BRINP3: variants seen among roughly 807,000 people sequenced by gnomAD.
BRINP3 encodes the protein BMP/retinoic acid-inducible neural-specific protein 3.
Under a neutral mutation model 71.0 loss-of-function variants are expected in BRINP3, and 19 were observed. That is an observed-to-expected ratio of 0.27 (90% CI 0.19 to 0.39). The LOEUF is 0.39. Ranked by LOEUF, BRINP3 falls within the 10% of genes least tolerant of loss-of-function variation. The probability of loss-of-function intolerance (pLI) is 1.00; values close to 1 mark genes in which losing one functional copy is unlikely to be tolerated. For synonymous variants in BRINP3, 380 were observed against 337.7 expected (o/e 1.13, Z -1.37); for missense variants, 959 against 940.8 (o/e 1.02, Z -0.25).
intron 6 of BRINP3, among the ~76,000 whole-genome samples, chr1:190,171,714 C>T (rs994690714): frequency 1.3e-5 from 2 of 152,034 alleles, no homozygotes; most frequent in African/African-American, 4.8e-5. Flanking sequence ...ATATATTATA[C>T]ACTAGCCACA....
chr1:190,466,954 A>G (rs193215807), intron 1 of BRINP3, among the ~76,000 whole-genome samples: 2 of 149,760 alleles, frequency 1.3e-5, no homozygotes, highest in African/African-American at 4.9e-5. Flanking sequence ...TTTTGGAGAT[A>G]AAAAAACACA....
intron 2 of BRINP3, among the ~76,000 whole-genome samples, chr1:190,282,079 G>A (rs1663083687): frequency 6.6e-6 from 1 of 151,584 alleles, no homozygotes; most frequent in Admixed American, 6.6e-5. Context: ...AACAACTTAA[G>A]GGCAATTTTT....
At chr1:190,120,675 T>G (rs1302280961) in intron 7 of BRINP3, among the ~76,000 whole-genome samples, 1 of 151,500 alleles carries the variant, frequency 6.6e-6, no homozygotes, top group African/African-American at 2.4e-5. Flanking sequence ...TTTTTTTTTT[T>G]TGTATTTTTA....
intron 6 of BRINP3, among the ~76,000 whole-genome samples, chr1:190,194,163 A>T (rs746119829): frequency 2.6e-5 from 4 of 152,116 alleles, no homozygotes; most frequent in African/African-American, 4.8e-5. Context: ...TCCATGGAGA[A>T]GTACATGCAG....
intron 2 of BRINP3, among the ~76,000 whole-genome samples, chr1:190,426,717 C>A (rs2047704): frequency 0.17 from 25,611 of 151,542 alleles, 2,225 homozygotes; most frequent in South Asian, 0.21. Flanking sequence ...ATTTTGTTTC[C>A]TCATAGTTTT....
At chr1:190,440,053 T>C (rs1368647504) in intron 2 of BRINP3, among the ~76,000 whole-genome samples, 1 of 151,948 alleles carries the variant, frequency 6.6e-6, no homozygotes, top group African/African-American at 2.4e-5. Flanking sequence ...AAAGGTACAA[T>C]GTAGTATAAA....
At position 190,226,287 on chromosome 1, in the gene BRINP3, C is replaced by T. The variant is rs1362159585; in HGVS notation, c.756G>A (p.Gln252=). 1 of 1,606,058 alleles carries T rather than the reference C, an allele frequency of 6.2e-7. No homozygotes were observed. The highest frequency in any genetic ancestry group is 8.5e-7 in the Non-Finnish European group (1 of 1,175,936). ...TCAAAGCTGCTTGTACAAAACGTTCCTGAAGATAGTCTGGGAGAAGTACTT... is the reference window on the plus strand; with the variant it reads ...TCAAAGCTGCTTGTACAAAACGTTCTTGAAGATAGTCTGGGAGAAGTACTT... ...GLQVLLPDYL[Q]ERFVQAALSY... The change falls in exon 6 of 8, where the codon CAG becomes CAA. Residue 252 remains glutamine, a synonymous_variant. Transcript: ENST00000367462.
intron 2 of BRINP3, among the ~76,000 whole-genome samples, chr1:190,345,031 T>C (rs915820695): frequency 6.6e-6 from 1 of 151,920 alleles, no homozygotes; most frequent in Non-Finnish European, 1.5e-5. Flanking sequence ...TAATAAATTT[T>C]AAAGTCATGG....
intron 6 of BRINP3, among the ~76,000 whole-genome samples, chr1:190,167,747 G>A (rs1651681694): frequency 6.6e-6 from 1 of 152,114 alleles, no homozygotes; most frequent in East Asian, 1.9e-4. Flanking sequence ...ATAATCTAAA[G>A]CATAAACTTT....
intron 2 of BRINP3, among the ~76,000 whole-genome samples, chr1:190,374,747 A>G (rs1670081959): frequency 6.6e-6 from 1 of 151,982 alleles, no homozygotes; most frequent in Admixed American, 6.6e-5. Context: ...AAAATGAAAA[A>G]CATTCATTTG....
intron 6 of BRINP3, among the ~76,000 whole-genome samples, chr1:190,192,185 G>C (rs1654092230): frequency 6.6e-6 from 1 of 152,064 alleles, no homozygotes; most frequent in Non-Finnish European, 1.5e-5. Context: ...TAGCAAATAA[G>C]CAGTTTATCT....
At chr1:190,452,470 C>T (rs1675677958) in intron 2 of BRINP3, among the ~76,000 whole-genome samples, 1 of 152,142 alleles carries the variant, frequency 6.6e-6, no homozygotes, top group African/African-American at 2.4e-5. Context: ...AGAATATATG[C>T]GCCTTGCAAA....
At chr1:190,436,754 G>A (rs985117595) in intron 2 of BRINP3, among the ~76,000 whole-genome samples, 1 of 151,744 alleles carries the variant, frequency 6.6e-6, no homozygotes, top group African/African-American at 2.4e-5. Flanking sequence ...TGACTCAATT[G>A]ACCATAGCTG....
chr1:190,394,902 T>C (rs184510654), intron 2 of BRINP3, among the ~76,000 whole-genome samples: 110 of 151,824 alleles, frequency 7.2e-4, no homozygotes, highest in Non-Finnish European at 1.2e-3. Flanking sequence ...GACTGTTGAA[T>C]GCATGTGGAA....
intron 2 of BRINP3, among the ~76,000 whole-genome samples, chr1:190,386,250 TAA>T (rs67379753): frequency 1.5e-4 from 22 of 148,304 alleles, no homozygotes; most frequent in South Asian, 6.3e-4. Context: ...AAAAAAAACT[TAA>T]AAAAAAAATA....
intron 1 of BRINP3, among the ~76,000 whole-genome samples, chr1:190,472,157 T>G (rs1316074983): frequency 6.6e-6 from 1 of 151,644 alleles, no homozygotes; most frequent in Non-Finnish European, 1.5e-5. Flanking sequence ...TCCATATCTC[T>G]TATGTCATTT....
chr1:190,244,567 G>A (rs7542545), intron 4 of BRINP3, among the ~76,000 whole-genome samples: 62,229 of 151,852 alleles, frequency 0.41, 13,460 homozygotes, highest in Non-Finnish European at 0.49. Flanking sequence ...CCTGGAAGAC[G>A]ATGGCAGCAG....
intron 2 of BRINP3, among the ~76,000 whole-genome samples, chr1:190,331,842 T>C (rs970130570): frequency 6.6e-6 from 1 of 152,066 alleles, no homozygotes; most frequent in Non-Finnish European, 1.5e-5. Context: ...TAATAAATTA[T>C]GCTTAGCAAT....
Position 190,226,187 on chromosome 1 carries a change from A to G in BRINP3, c.856T>C (p.Phe286Leu). 6.2e-7 allele frequency: 1 copy of G among 1,612,768 alleles called. No homozygotes were observed. Among genetic ancestry groups the G allele is most frequent in the Non-Finnish European group, 8.5e-7 (1 of 1,179,182 alleles). ...ATGGAGGGGCAGTTGCATTCTGGAA[A>G]TTTGGGACCACAGTGACACCAGCAG... ...NDCWCHCGPK[F>L]PECNCPSMDI... Residue 286 changes from phenylalanine to leucine, a missense_variant, in exon 6 of 8, where the codon TTT (phenylalanine) becomes CTT (leucine). Physicochemically the swap from Phe to Leu is conservative, Grantham distance 22. Transcript: ENST00000367462.
Sources: allele counts gnomAD v4.1 joint callset (sites outside exome capture counted in the v4.1 genomes callset), GRCh38; gene constraint gnomAD v4.1.1; transcripts MANE v1.5; gene names NCBI Gene and HGNC (gene_info 2026-07-23, HGNC 2026-07-21).